The following TUSC3 variants were observed in gnomAD, a reference collection of about 807,000 sequenced individuals.
The protein encoded by TUSC3 is tumor suppressor candidate 3, also known as dolichyl-diphosphooligosaccharide--protein glycosyltransferase subunit TUSC3.
TUSC3 carries 45 observed loss-of-function variants against 44.8 expected under a neutral mutation model. The observed-to-expected ratio is 1.00, with a 90% CI of 0.79 to 1.29. The LOEUF (loss-of-function observed/expected upper bound fraction) is 1.29, where lower values mean the gene tolerates loss of function less well. Among genes scored for constraint, TUSC3 ranks in the 50% most tolerant of loss-of-function variants. TUSC3 has a pLI of 0.00. For synonymous variants in TUSC3, 212 were observed against 152.9 expected, an observed-to-expected ratio of 1.39 and a Z score of -2.85; for missense variants, 519 against 437.9, an observed-to-expected ratio of 1.19 and a Z score of -1.65.
chr8:15,600,978 AT>A (rs201631454), intron 1 of TUSC3, among the ~76,000 whole-genome samples: 108 of 151,588 alleles, frequency 7.1e-4, no homozygotes, highest in African/African-American at 2.4e-3. Context: ...TTAAAATAAT[AT>A]TTTTTTTCTC....
chr8:15,490,512 G>A (rs1356229808), intron 2 of TUSC3, among the ~76,000 whole-genome samples: 2 of 152,148 alleles, frequency 1.3e-5, no homozygotes, highest in Non-Finnish European at 2.9e-5. Context: ...TGAGGTTTGG[G>A]AAATGCAGCC....
intron 1 of TUSC3, 100 bp downstream of exon 1, chr8:15,540,668 C>A (rs1051987808): frequency 7.9e-6 from 11 of 1,400,512 alleles, no homozygotes; most frequent in Non-Finnish European, 9.4e-6. Context: ...GCCTGGTCGC[C>A]GGCGTGGGCG....
chr8:15,583,375 G>T (rs73665441), intron 1 of TUSC3, among the ~76,000 whole-genome samples: 1 of 152,126 alleles, frequency 6.6e-6, no homozygotes. Flanking sequence ...TAGAGCTAGC[G>T]CAGAGAAGAT....
At chr8:15,497,694 C>G (rs1012078681) in intron 2 of TUSC3, among the ~76,000 whole-genome samples, 2 of 151,922 alleles carry the variant, frequency 1.3e-5, no homozygotes, top group African/African-American at 4.8e-5. Context: ...AAAATGCACG[C>G]AAGAGAAGTT....
chr8:15,589,470 A>T (rs1193824756), intron 1 of TUSC3, among the ~76,000 whole-genome samples: 1 of 152,168 alleles, frequency 6.6e-6, no homozygotes, highest in Admixed American at 6.5e-5. Context: ...AAGTTTTAGG[A>T]AGGAAAAGTA....
chr8:15,745,391 T>A (rs1010579013), intron 8 of TUSC3, among the ~76,000 whole-genome samples: 1 of 152,118 alleles, frequency 6.6e-6, no homozygotes, highest in Admixed American at 6.6e-5. Context: ...GAAACTGTTT[T>A]CCACAGTAGC....
chr8:15,471,938 A>G (rs12235091), intron 1 of TUSC3, among the ~76,000 whole-genome samples: 2 of 152,162 alleles, frequency 1.3e-5, no homozygotes, highest in African/African-American at 2.4e-5. Flanking sequence ...ATGATTTAAC[A>G]TCATAGTTGA....
At chr8:15,446,328 C>T (rs1020575777) in intron 1 of TUSC3, among the ~76,000 whole-genome samples, 13 of 152,040 alleles carry the variant, frequency 8.6e-5, no homozygotes, top group Middle Eastern at 3.2e-3. Context: ...GACGGGGTGG[C>T]GGCCGGGCAG....
chr8:15,667,654 A>T (rs11787423), intron 5 of TUSC3, among the ~76,000 whole-genome samples: 4 of 151,706 alleles, frequency 2.6e-5, no homozygotes, highest in Non-Finnish European at 4.4e-5. Flanking sequence ...GATACCTTCA[A>T]ATTAACTCGT....
intron 2 of TUSC3, among the ~76,000 whole-genome samples, chr8:15,626,024 G>C (rs1000767472): frequency 6.6e-6 from 1 of 152,210 alleles, no homozygotes; most frequent in African/African-American, 2.4e-5. Flanking sequence ...TATAGTTCCA[G>C]CTGTGGCGAG....
chr8:15,820,525 G>A, the TUSC3 span, among the ~76,000 whole-genome samples: 1 of 151,982 alleles, frequency 6.6e-6, no homozygotes, highest in Non-Finnish European at 1.5e-5. Context: ...TCACCATCTT[G>A]GCCAGGATGG....
chr8:15,760,740 T>C (rs1478119974), intron 10 of TUSC3, among the ~76,000 whole-genome samples: 2 of 152,192 alleles, frequency 1.3e-5, no homozygotes, highest in African/African-American at 2.4e-5. Flanking sequence ...CAAAGACCCA[T>C]GGCCCACAAA....
chr8:15,751,225 G>A (rs149649493), intron 9 of TUSC3, among the ~76,000 whole-genome samples: 1 of 152,224 alleles, frequency 6.6e-6, no homozygotes, highest in African/African-American at 2.4e-5. Flanking sequence ...ATTGGAGAGA[G>A]ATATGGAGAA....
intron 1 of TUSC3, among the ~76,000 whole-genome samples, chr8:15,552,824 G>A (rs994037263): frequency 7.2e-5 from 11 of 151,826 alleles, no homozygotes; most frequent in African/African-American, 2.6e-4. Flanking sequence ...GATTGCTATG[G>A]CTATGCTGTG....
intron 2 of TUSC3, among the ~76,000 whole-genome samples, chr8:15,513,073 G>A (rs1014904483): frequency 4.7e-5 from 7 of 150,040 alleles, no homozygotes; most frequent in Non-Finnish European, 8.9e-5. Context: ...CAATTGTAAC[G>A]TTACCAAAAT....
intron 1 of TUSC3, among the ~76,000 whole-genome samples, chr8:15,610,185 G>C (rs1804700837): frequency 6.6e-6 from 1 of 151,984 alleles, no homozygotes; most frequent in African/African-American, 2.4e-5. Flanking sequence ...TTTAGGCACT[G>C]GATTTATTTC....
At chr8:15,767,898 C>G (rs763033016), downstream of TUSC3, among the ~76,000 whole-genome samples, 2 of 152,130 alleles carry the variant, frequency 1.3e-5, no homozygotes, top group African/African-American at 4.8e-5. Flanking sequence ...TAGTGAAATA[C>G]TTTGGAGAAT....
At chr8:15,600,587 A>G (rs1156710452) in intron 1 of TUSC3, among the ~76,000 whole-genome samples, 2 of 151,700 alleles carry the variant, frequency 1.3e-5, no homozygotes, top group Non-Finnish European at 3.0e-5. Context: ...TTACAGATTA[A>G]AATAAATTGG....
intron 1 of TUSC3, among the ~76,000 whole-genome samples, chr8:15,612,650 G>A (rs543126852): frequency 6.6e-6 from 1 of 152,162 alleles, no homozygotes; most frequent in South Asian, 2.1e-4. Context: ...AAGAGGAATG[G>A]GCATCTGAAC....
Sources: gnomAD v4.1 joint callset for allele counts (sites outside exome capture counted in the v4.1 genomes callset) on GRCh38, gnomAD v4.1.1 for gene constraint, MANE v1.5 for transcripts, NCBI Gene and HGNC (gene_info 2026-07-23, HGNC 2026-07-21) for gene names.